Variants in VAX2 observed in about 807,000 individuals in gnomAD.
VAX2 encodes the protein ventral anterior homeobox 2.
In VAX2, 8 loss-of-function variants were observed where a neutral mutation model predicts 12.5. The ratio of observed to expected loss-of-function variants is 0.64; its 90% CI spans 0.37 to 1.15. VAX2 has a LOEUF of 1.15. Among genes scored for constraint, VAX2 ranks in the 50% most tolerant of loss-of-function variants. The probability of loss-of-function intolerance (pLI) is 0.01; values close to 1 mark genes in which losing one functional copy is unlikely to be tolerated. For missense variants in VAX2, 476 were observed against 412.9 expected, an observed-to-expected ratio of 1.15 and a Z score of -1.32; for synonymous variants, 183 against 187.6, an observed-to-expected ratio of 0.98 and a Z score of 0.20.
intron 2 of VAX2, among the ~76,000 whole-genome samples, chr2:70,929,753 T>C (rs1679654594): frequency 6.6e-6 from 1 of 152,048 alleles, no homozygotes; most frequent in African/African-American, 2.4e-5. Flanking sequence ...TTTTAAAGTA[T>C]TGGTCCTCAA....
At chr2:70,913,961 G>T (rs1052008085) in intron 1 of VAX2, among the ~76,000 whole-genome samples, 6 of 152,048 alleles carry the variant, frequency 3.9e-5, no homozygotes, top group Non-Finnish European at 8.8e-5. Flanking sequence ...ATAGCTTATT[G>T]CCTCATTCTT....
intron 2 of VAX2, among the ~76,000 whole-genome samples, chr2:70,928,011 A>G (rs1172766115): frequency 6.6e-6 from 1 of 152,214 alleles, no homozygotes; most frequent in Non-Finnish European, 1.5e-5. Context: ...GGTTTCCCAG[A>G]AGTGGATAAG....
chr2:70,918,251 C>G (rs189322670), intron 1 of VAX2, among the ~76,000 whole-genome samples: 105 of 152,292 alleles, frequency 6.9e-4, no homozygotes, highest in African/African-American at 2.4e-3. Flanking sequence ...TGACTATGAA[C>G]AGGACGGTGC....
At chr2:70,919,133 CTG>C (rs782281664) in intron 1 of VAX2, among the ~76,000 whole-genome samples, 3,541 of 144,782 alleles carry the variant, frequency 0.024, 61 homozygotes, top group Admixed American at 0.052. Flanking sequence ...ACCTGGGAGG[CTG>C]AGGCAGGAGA....
In VAX2 at chr2:70,904,663, C is replaced by T. The variant is rs1679009564; in HGVS notation, c.247+3795C>T. Among the ~76,000 whole-genome samples the T allele has an allele frequency of 6.6e-6, 1 of 152,182 alleles. No individual in the cohort carries two copies. The highest frequency in any genetic ancestry group is 2.4e-5 in the African/African-American group (1 of 41,444). On this transcript the variant is annotated intron_variant, in intron 1 of 2. Coordinates refer to ENST00000234392, the MANE Select transcript of VAX2 (RefSeq NM_012476.3). This position sits in a 1 kb window ranked among gnomAD's most constrained non-coding sequence, Gnocchi z 4.2. ...CAGTAGGGTGGGATGACTGCAGGAT[C>T]CCTTGAAGAAGTGACTCGCTGCAAC... is the stretch of plus-strand genomic sequence containing the variant.
At chr2:70,913,408 G>A (rs1679233978) in intron 1 of VAX2, among the ~76,000 whole-genome samples, 1 of 152,214 alleles carries the variant, frequency 6.6e-6, no homozygotes, top group African/African-American at 2.4e-5. Context: ...AAGGCCGGGT[G>A]CAGTGGCTTA....
chr2:70,931,851 T>C (rs1412917922), intron 2 of VAX2, among the ~76,000 whole-genome samples: 1 of 152,214 alleles, frequency 6.6e-6, no homozygotes. Flanking sequence ...AGAGCCAGGG[T>C]GGGCCATGAG....
intron 2 of VAX2, among the ~76,000 whole-genome samples, chr2:70,927,066 A>G (rs1288221123): frequency 6.6e-6 from 1 of 152,160 alleles, no homozygotes; most frequent in Non-Finnish European, 1.5e-5. Flanking sequence ...CTGCTTGCCC[A>G]TGACCCACCC....
At position 70,932,941 on chromosome 2, in the gene VAX2, A is replaced by T; in HGVS notation, c.610A>T (p.Thr204Ser). 6.2e-7 allele frequency: 1 copy of T among 1,612,132 alleles called. No individual in the cohort carries two copies. Among genetic ancestry groups the T allele is most frequent in the Admixed American group, 1.7e-5 (1 of 59,932 alleles). Residue 204 changes from threonine to serine, a missense_variant, in exon 3 of 3, where the codon ACC becomes TCC. By Grantham distance (58) the Thr-to-Ser change is moderately conservative. Transcript: ENST00000234392. ...CAGGGCCCCTAGCCTCCTGGCGCTG[A>T]CCCCTAGCCTGCCAGGCCTACCTGC... ...VPRAPSLLAL[T>S]PSLPGLPASH...
intron 1 of VAX2, among the ~76,000 whole-genome samples, chr2:70,906,077 C>G (rs1679050967): frequency 6.6e-6 from 1 of 152,216 alleles, no homozygotes; most frequent in Non-Finnish European, 1.5e-5. Context: ...CTTGGAGAGC[C>G]AGTAGCCGGT....
At chr2:70,910,655 C>A (rs894507693) in intron 1 of VAX2, among the ~76,000 whole-genome samples, 2 of 151,786 alleles carry the variant, frequency 1.3e-5, no homozygotes, top group African/African-American at 2.4e-5. Context: ...GTGAATTTTT[C>A]ATATATTTAG....
At chr2:70,926,335 A>ATC (rs1242265839) in intron 2 of VAX2, among the ~76,000 whole-genome samples, 1 of 152,044 alleles carries the variant, frequency 6.6e-6, no homozygotes, top group Non-Finnish European at 1.5e-5. Context: ...CCTCAGAGGA[A>ATC]TCTCTCTCTC....
chr2:70,916,703 T>A (rs561287847), intron 1 of VAX2, among the ~76,000 whole-genome samples: 8 of 152,208 alleles, frequency 5.3e-5, no homozygotes, highest in Non-Finnish European at 1.2e-4. Flanking sequence ...TCGTTCTTCC[T>A]TTTTTTCCTG....
intron 2 of VAX2, among the ~76,000 whole-genome samples, chr2:70,926,188 G>C (rs962483699): frequency 2.0e-4 from 31 of 152,124 alleles, no homozygotes; most frequent in Non-Finnish European, 1.5e-5. Context: ...CACTCACAGG[G>C]CTCTACAGGA....
At chr2:70,903,966 A>C (rs1553410141) in intron 1 of VAX2, among the ~76,000 whole-genome samples, 1 of 152,170 alleles carries the variant, frequency 6.6e-6, no homozygotes, top group East Asian at 1.9e-4. Flanking sequence ...CTGCGAATAC[A>C]GGGTGGAGAG....
At chr2:70,922,385 G>A (rs1469080677) in intron 2 of VAX2, among the ~76,000 whole-genome samples, 5 of 152,070 alleles carry the variant, frequency 3.3e-5, no homozygotes, top group African/African-American at 9.7e-5. Context: ...AGGGCTTCCC[G>A]TCTGTGCTGT....
chr2:70,917,345 A>AT (rs1679331130), intron 1 of VAX2, among the ~76,000 whole-genome samples: 2 of 149,372 alleles, frequency 1.3e-5, no homozygotes, highest in Non-Finnish European at 3.0e-5. Context: ...AAATAAATAA[A>AT]ACAAAAACAA....
chr2:70,921,824 T>C (rs1028001838), intron 2 of VAX2, among the ~76,000 whole-genome samples: 5 of 152,124 alleles, frequency 3.3e-5, no homozygotes, highest in Admixed American at 6.5e-5. Flanking sequence ...ACTGGCATTT[T>C]AACAGCAGTG....
At chr2:70,906,598 A>C (rs1679067573) in intron 1 of VAX2, among the ~76,000 whole-genome samples, 1 of 126,676 alleles carries the variant, frequency 7.9e-6, no homozygotes, top group African/African-American at 3.1e-5. Context: ...GTGCAATCAT[A>C]GTTCACTGTA....
Sources: gnomAD v4.1 joint callset for allele counts (sites outside exome capture counted in the v4.1 genomes callset) on GRCh38, gnomAD v4.1.1 for gene constraint, Gnocchi (gnomAD v3.1) non-coding constraint, MANE v1.5 for transcripts, NCBI Gene and HGNC (gene_info 2026-07-23, HGNC 2026-07-21) for gene names.